Variants in FERMT2 observed in about 807,000 individuals in gnomAD.
FERMT2 encodes the protein FERM domain containing kindlin 2.
FERMT2 carries 15 observed loss-of-function variants against 82.7 expected under a neutral mutation model. That is an observed-to-expected ratio of 0.18 (90% CI 0.12 to 0.28). The LOEUF (loss-of-function observed/expected upper bound fraction) is 0.28. Among genes scored for constraint, FERMT2 ranks in the 10% least tolerant of loss-of-function variants. The probability of loss-of-function intolerance (pLI) is 1.00; values close to 1 mark genes in which losing one functional copy is unlikely to be tolerated. For missense variants in FERMT2, 645 were observed against 809.4 expected (o/e 0.80, Z 2.46); for synonymous variants, 274 against 271.5 (o/e 1.01, Z -0.09).
intron 2 of FERMT2, among the ~76,000 whole-genome samples, chr14:52,932,638 G>T (rs117696114): frequency 0.012 from 1,800 of 152,116 alleles, 53 homozygotes; most frequent in East Asian, 0.075. Flanking sequence ...ACTCACTTTT[G>T]GTTTTATACT....
Position 52,858,472 on chromosome 14 carries a change from T to C in FERMT2, c.1948A>G (p.Ile650Val). 1 of 1,614,154 alleles carries C rather than the reference T, an allele frequency of 6.2e-7. No individual in the cohort carries two copies. The highest frequency in any genetic ancestry group is 8.5e-7 in the Non-Finnish European group (1 of 1,179,998). The change falls in exon 15 of 15, where the codon ATT becomes GTT. Residue 650 changes from isoleucine (I) to valine (V), a missense_variant. Ile to Val is a conservative substitution (Grantham distance 29, BLOSUM62 3). Coordinates refer to ENST00000341590, the MANE Select transcript of FERMT2 (RefSeq NM_006832.3). ...EVDCKVVHEFIGGYIFLSTRA... is the reference protein window; with the variant it reads ...EVDCKVVHEFVGGYIFLSTRA... ...GTTGAGAGAAATATGTAGCCACCAA[T>C]GAATTCATGAACCACTTTGCAATCT...
Position 52,864,486 on chromosome 14 carries a change from T to G in FERMT2, c.1517A>C (p.Gln506Pro). The change falls in exon 12 of 15, where the codon CAG (glutamine) becomes CCG (proline). Residue 506 changes from glutamine to proline, a missense_variant. Gln to Pro is a moderately conservative substitution (Grantham distance 76). Transcript: ENST00000341590. ...AGTCGTGATCTGCTCTGGTATTAAC[T>G]GAGGATCTGGGTTTAAATGCTGCAT... is the stretch of plus-strand genomic sequence containing the variant. Reference protein sequence around the residue: ...LKMQHLNPDPQLIPEQITTDI... With the variant: ...LKMQHLNPDPPLIPEQITTDI... The G allele has an allele frequency of 6.2e-7, 1 of 1,614,122 alleles. No individual in the cohort carries two copies. The highest frequency in any genetic ancestry group is 8.5e-7 in the Non-Finnish European group (1 of 1,179,946).
chr14:52,904,436 GAAC>G (rs1430871563), intron 3 of FERMT2, among the ~76,000 whole-genome samples: 6 of 152,182 alleles, frequency 3.9e-5, no homozygotes, highest in Non-Finnish European at 7.3e-5. Flanking sequence ...AGAATTGCTT[GAAC>G]CTGGGAGGTG....
chr14:52,864,379 T>G lies in FERMT2; in HGVS notation c.1602+22A>C, dbSNP rs1251313960. On this transcript the variant is annotated intron_variant, in intron 12 of 14. Coordinates refer to ENST00000341590, the MANE Select transcript of FERMT2 (RefSeq NM_006832.3). ...TATAAAAACAAACCAGCACAGTAGA[T>G]GAAGTAAAATGAAGTAAGTACCTGC... The G allele has an allele frequency of 3.3e-6, 5 of 1,537,756 alleles. No individual in the cohort carries two copies. The Admixed American group carries it at 8.4e-5, about 26-fold the overall frequency.
intron 3 of FERMT2, among the ~76,000 whole-genome samples, chr14:52,916,301 G>A (rs986857242): frequency 2.3e-4 from 34 of 150,164 alleles, no homozygotes; most frequent in African/African-American, 7.9e-4. Context: ...CCAAAATCAC[G>A]CCATTGCATT....
intron 2 of FERMT2, among the ~76,000 whole-genome samples, chr14:52,928,855 G>A (rs1566756521): frequency 6.6e-6 from 1 of 152,086 alleles, no homozygotes; most frequent in African/African-American, 2.4e-5. Context: ...GTGTTAACAT[G>A]AAAAAGTGTC....
chr14:52,914,462 T>C (rs957331689), intron 3 of FERMT2, among the ~76,000 whole-genome samples: 1 of 152,184 alleles, frequency 6.6e-6, no homozygotes, highest in African/African-American at 2.4e-5. Flanking sequence ...AGCATTTCCA[T>C]TTAAGTCAGG....
At chr14:52,933,417 T>C (rs1889679388) in intron 2 of FERMT2, among the ~76,000 whole-genome samples, 1 of 152,058 alleles carries the variant, frequency 6.6e-6, no homozygotes, top group Non-Finnish European at 1.5e-5. Flanking sequence ...TTAAAAACTT[T>C]CCAAGTCTGG....
At chr14:52,925,368 G>C (rs1219559682) in intron 2 of FERMT2, among the ~76,000 whole-genome samples, 2 of 151,982 alleles carry the variant, frequency 1.3e-5, no homozygotes, top group Admixed American at 6.6e-5. Context: ...GACCAGCCTG[G>C]CCAATATGGT....
chr14:52,883,901 C>A (rs1447442317), intron 4 of FERMT2, among the ~76,000 whole-genome samples: 1 of 152,200 alleles, frequency 6.6e-6, no homozygotes, highest in East Asian at 1.9e-4. Context: ...CCTCCTCCGC[C>A]TTCCGCTGTA....
chr14:52,920,582 T>C (rs1460581015), intron 2 of FERMT2, among the ~76,000 whole-genome samples: 3 of 152,026 alleles, frequency 2.0e-5, no homozygotes, highest in African/African-American at 7.3e-5. Flanking sequence ...TGCAGCGAGC[T>C]GTGATGTGAA....
At chr14:52,941,022 G>C (rs528913809) in intron 2 of FERMT2, among the ~76,000 whole-genome samples, 2 of 152,258 alleles carry the variant, frequency 1.3e-5, no homozygotes, top group South Asian at 4.1e-4. Context: ...CATTCACACG[G>C]ATGTTTACAG....
chr14:52,865,466 T>A (rs1885217915), intron 10 of FERMT2, among the ~76,000 whole-genome samples: 2 of 152,212 alleles, frequency 1.3e-5, no homozygotes, highest in Non-Finnish European at 2.9e-5. Context: ...CAGAGAGACT[T>A]GGGTTGCAGA....
chr14:52,879,358 G>A (rs941269350), intron 6 of FERMT2, among the ~76,000 whole-genome samples: 2 of 152,080 alleles, frequency 1.3e-5, no homozygotes, highest in African/African-American at 4.8e-5. Flanking sequence ...GTTGAATTTA[G>A]AATTTTTATA....
intron 2 of FERMT2, among the ~76,000 whole-genome samples, chr14:52,927,096 C>G (rs536557740): frequency 1.5e-3 from 226 of 152,180 alleles, no homozygotes; most frequent in Non-Finnish European, 1.9e-3. Flanking sequence ...TCAACTGTAA[C>G]AGAATGCTCC....
chr14:52,919,034 G>A (rs1408924611), intron 3 of FERMT2, 89 bp downstream of exon 3: 3 of 850,598 alleles, frequency 3.5e-6, no homozygotes, highest in Non-Finnish European at 5.7e-6. Flanking sequence ...TTCAGCCCAT[G>A]CCCCATCCCT....
chr14:52,897,791 A>G (rs1887375207), intron 3 of FERMT2, among the ~76,000 whole-genome samples: 1 of 152,114 alleles, frequency 6.6e-6, no homozygotes, highest in Non-Finnish European at 1.5e-5. Flanking sequence ...AGCCTGGCCA[A>G]CATGGTGAAA....
intron 10 of FERMT2, among the ~76,000 whole-genome samples, chr14:52,867,367 T>TA (rs1885351403): frequency 6.6e-6 from 1 of 152,228 alleles, no homozygotes; most frequent in South Asian, 2.1e-4. Context: ...TTGGCCTAAC[T>TA]ACCTTACTTT....
intron 3 of FERMT2, among the ~76,000 whole-genome samples, chr14:52,903,959 AT>A (rs1164625937): frequency 5.3e-5 from 8 of 152,364 alleles, no homozygotes; most frequent in Non-Finnish European, 1.2e-4. Context: ...CCAAAAATGT[AT>A]TTGATCATGT....
Sources: gnomAD v4.1 joint callset for allele counts (sites outside exome capture counted in the v4.1 genomes callset) on GRCh38, gnomAD v4.1.1 for gene constraint, MANE v1.5 for transcripts, NCBI Gene and HGNC (gene_info 2026-07-23, HGNC 2026-07-21) for gene names.